SOX5: variants seen among roughly 807,000 people sequenced by gnomAD.
The protein encoded by SOX5 is transcription factor SOX-5.
Under a neutral mutation model 92.0 loss-of-function variants are expected in SOX5, and 9 were observed. The ratio of observed to expected loss-of-function variants is 0.10; its 90% CI spans 0.06 to 0.17. The LOEUF (loss-of-function observed/expected upper bound fraction) is 0.17, where lower values mean the gene tolerates loss of function less well. Among genes scored for constraint, SOX5 ranks in the 10% least tolerant of loss-of-function variants. The pLI is 1.00. For missense variants in SOX5, 642 were observed against 944.5 expected, an observed-to-expected ratio of 0.68 and a Z score of 4.20; for synonymous variants, 344 against 336.3, an observed-to-expected ratio of 1.02 and a Z score of -0.25.
At chr12:24,093,787 C>T (rs1412034893) in intron 4 of SOX5, among the ~76,000 whole-genome samples, 1 of 150,696 alleles carries the variant, frequency 6.6e-6, no homozygotes, top group Non-Finnish European at 1.5e-5. Flanking sequence ...TGCTATTTAA[C>T]TTCTAGATAT....
At chr12:23,760,485 G>C (rs764393126) in intron 3 of SOX5, among the ~76,000 whole-genome samples, 1 of 152,026 alleles carries the variant, frequency 6.6e-6, no homozygotes, top group Non-Finnish European at 1.5e-5. Flanking sequence ...TAATTGGCTC[G>C]CTATTGTTTC....
intron 2 of SOX5, among the ~76,000 whole-genome samples, chr12:24,363,716 G>GA (rs34955714): frequency 0.31 from 44,498 of 145,196 alleles, 6,694 homozygotes; most frequent in East Asian, 0.45. Context: ...GGAAGCACAT[G>GA]AAAAAAAAAA....
intron 8 of SOX5, among the ~76,000 whole-genome samples, chr12:23,627,059 C>G (rs946079220): frequency 3.3e-5 from 5 of 152,138 alleles, no homozygotes; most frequent in Middle Eastern, 3.4e-3. Context: ...TTTATAATGC[C>G]CTAATTATTC....
chr12:23,592,951 C>T (rs1383170290), intron 9 of SOX5, among the ~76,000 whole-genome samples: 1 of 151,880 alleles, frequency 6.6e-6, no homozygotes, highest in Admixed American at 6.6e-5. Context: ...TGGCAGCAGG[C>T]ACCTGTAGTC....
At chr12:23,581,466 G>C (rs1950030676) in intron 9 of SOX5, among the ~76,000 whole-genome samples, 1 of 151,882 alleles carries the variant, frequency 6.6e-6, no homozygotes, top group Non-Finnish European at 1.5e-5. Context: ...TCTCAAAATT[G>C]CACTTCCTCA....
At chr12:24,349,311 C>T (rs540322827) in intron 2 of SOX5, among the ~76,000 whole-genome samples, 2 of 152,354 alleles carry the variant, frequency 1.3e-5, no homozygotes, top group South Asian at 4.1e-4. Context: ...ACCACCTTAA[C>T]CATTTTTAAG....
rs2076493747 is a variant in SOX5, at chr12:23,615,858, C to T, written c.1018-11325G>A. Among the ~76,000 whole-genome samples, 2 of 152,046 alleles carry T rather than the reference C, an allele frequency of 1.3e-5. 1 individual carries two copies. The highest frequency in any genetic ancestry group is 4.1e-4 in the South Asian group (2 of 4,824). On this transcript the variant is annotated intron_variant, in intron 8 of 14. Coordinates refer to ENST00000451604, the MANE Select transcript of SOX5 (RefSeq NM_006940.6). Reference sequence around the variant, plus strand: ...AACTTCTTTATATATTTGAATTTGACTTTAAAGGGTAAAACCTATCAGAGA... The same window carrying T: ...AACTTCTTTATATATTTGAATTTGATTTTAAAGGGTAAAACCTATCAGAGA...
chr12:23,534,761 G>GTGCAA (rs1939904766), intron 14 of SOX5, among the ~76,000 whole-genome samples: 1 of 139,760 alleles, frequency 7.2e-6, no homozygotes, highest in Admixed American at 7.7e-5. Flanking sequence ...CTAGGCTGCA[G>GTGCAA]TGCAATGGCG....
At chr12:23,612,238 C>T (rs867405339) in intron 8 of SOX5, among the ~76,000 whole-genome samples, 7 of 151,830 alleles carry the variant, frequency 4.6e-5, no homozygotes, top group Admixed American at 2.0e-4. Context: ...TATTGATATA[C>T]ATTAGATGTA....
At chr12:23,773,944 A>G (rs1284545325) in intron 3 of SOX5, among the ~76,000 whole-genome samples, 1 of 152,070 alleles carries the variant, frequency 6.6e-6, no homozygotes, top group Non-Finnish European at 1.5e-5. Flanking sequence ...AGTCAAAACC[A>G]GGTTTGAATT....
At chr12:23,778,429 G>T (rs1354632718) in intron 3 of SOX5, among the ~76,000 whole-genome samples, 3 of 152,148 alleles carry the variant, frequency 2.0e-5, no homozygotes, top group South Asian at 2.1e-4. Context: ...CTAAGCAGGT[G>T]AAGAAATAAG....
intron 2 of SOX5, among the ~76,000 whole-genome samples, chr12:23,894,167 A>G (rs12300263): frequency 0.018 from 2,743 of 152,276 alleles, 84 homozygotes; most frequent in African/African-American, 0.062. Context: ...TATACCATCA[A>G]GAAGTGCTAT....
chr12:23,727,924 G>A (rs1428709823), intron 6 of SOX5, among the ~76,000 whole-genome samples: 1 of 152,104 alleles, frequency 6.6e-6, no homozygotes, highest in Non-Finnish European at 1.5e-5. Context: ...ATATACACCT[G>A]TCAATCCGTA....
At chr12:24,538,015 T>C (rs1951789769) in intron 1 of SOX5, among the ~76,000 whole-genome samples, 1 of 152,202 alleles carries the variant, frequency 6.6e-6, no homozygotes, top group African/African-American at 2.4e-5. Flanking sequence ...TACCACCTTC[T>C]AAAATTACTA....
At chr12:23,538,850 G>C (rs912468537) in intron 13 of SOX5, among the ~76,000 whole-genome samples, 1 of 146,710 alleles carries the variant, frequency 6.8e-6, no homozygotes, top group African/African-American at 2.5e-5. Flanking sequence ...GCCCAGGCTG[G>C]AATGCAGTGG....
intron 3 of SOX5, among the ~76,000 whole-genome samples, chr12:23,838,842 T>TTGGG (rs1319314792): frequency 4.4e-5 from 1 of 22,728 alleles, no homozygotes; most frequent in Non-Finnish European, 1.2e-4. Flanking sequence ...TTCTTTTTTT[T>TTGGG]TGGGGGGGGG....
chr12:23,841,874 T>C (rs2135936815), intron 3 of SOX5, among the ~76,000 whole-genome samples: 1 of 152,264 alleles, frequency 6.6e-6, no homozygotes, highest in African/African-American at 2.4e-5. Flanking sequence ...AATGACAATA[T>C]GCATTTGTCA....
chr12:24,552,022 G>A (rs903395061), intron 1 of SOX5, among the ~76,000 whole-genome samples: 3 of 152,076 alleles, frequency 2.0e-5, no homozygotes, highest in African/African-American at 7.2e-5. Context: ...CTTCAGTCTG[G>A]CCTGTTAAAA....
chr12:24,298,244 G>A (rs1231837833), intron 2 of SOX5, among the ~76,000 whole-genome samples: 1 of 152,006 alleles, frequency 6.6e-6, no homozygotes, highest in South Asian at 2.1e-4. Context: ...TAATTTTTGT[G>A]TTTTCTGTCG....
Sources: gnomAD v4.1 joint callset for allele counts (sites outside exome capture counted in the v4.1 genomes callset) on GRCh38, gnomAD v4.1.1 for gene constraint, MANE v1.5 for transcripts, NCBI Gene and HGNC (gene_info 2026-07-23, HGNC 2026-07-21) for gene names.